TBC1D1: variants seen among roughly 807,000 people sequenced by gnomAD.
TBC1D1 encodes TBC1 domain family member 1, also known as TBC1 (tre-2/USP6, BUB2, cdc16) domain family, member 1.
TBC1D1 carries 89 observed loss-of-function variants against 125.6 expected under a neutral mutation model. The observed-to-expected ratio is 0.71, with a 90% CI of 0.60 to 0.85. The LOEUF is 0.85. TBC1D1 is among the 40% of genes least tolerant of loss of function. The pLI, the probability that TBC1D1 is intolerant of heterozygous loss-of-function variation, is 0.00. For missense variants in TBC1D1, 1,377 were observed against 1,469.2 expected (o/e 0.94, Z 1.03); for synonymous variants, 565 against 564.1 (o/e 1.00, Z -0.02).
At chr4:37,999,173 C>T (rs949602932) in intron 2 of TBC1D1, among the ~76,000 whole-genome samples, 3 of 152,126 alleles carry the variant, frequency 2.0e-5, no homozygotes, top group African/African-American at 4.8e-5. Flanking sequence ...CGCTTGAACC[C>T]GGAGGCAGAC....
At chr4:37,979,276 G>A (rs1231679797) in intron 2 of TBC1D1, among the ~76,000 whole-genome samples, 1 of 152,088 alleles carries the variant, frequency 6.6e-6, no homozygotes, top group Non-Finnish European at 1.5e-5. Flanking sequence ...TTTAAAATGT[G>A]GTTATTTTAT....
chr4:38,085,029 C>T (rs1757233605), intron 12 of TBC1D1, among the ~76,000 whole-genome samples: 2 of 152,184 alleles, frequency 1.3e-5, no homozygotes, highest in Admixed American at 6.5e-5. Flanking sequence ...GTGGTGTGCA[C>T]GTTGCTTTTT....
intron 2 of TBC1D1, among the ~76,000 whole-genome samples, chr4:37,980,691 A>G (rs1560564983): frequency 6.6e-6 from 1 of 152,232 alleles, no homozygotes; most frequent in African/African-American, 2.4e-5. Context: ...GTATAGTTTC[A>G]TATAGTTTAT....
chr4:38,039,499 G>C (rs55857474), intron 8 of TBC1D1, among the ~76,000 whole-genome samples: 6,697 of 152,082 alleles, frequency 0.044, 486 homozygotes, highest in African/African-American at 0.15. Context: ...CTACATTGTT[G>C]CATGTATTAG....
intron 2 of TBC1D1, among the ~76,000 whole-genome samples, chr4:37,994,304 T>G (rs1737287245): frequency 6.6e-6 from 1 of 152,240 alleles, no homozygotes; most frequent in Non-Finnish European, 1.5e-5. Flanking sequence ...TTTTGTTTGT[T>G]TTTTGAGACG....
chr4:37,924,954 T>A (rs1721752245), intron 2 of TBC1D1, among the ~76,000 whole-genome samples: 2 of 152,246 alleles, frequency 1.3e-5, no homozygotes, highest in Non-Finnish European at 2.9e-5. Flanking sequence ...TTTTATTTAC[T>A]ATTCACAACA....
At chr4:38,000,062 G>GT (rs1738685779) in intron 2 of TBC1D1, among the ~76,000 whole-genome samples, 1 of 152,192 alleles carries the variant, frequency 6.6e-6, no homozygotes, top group Admixed American at 6.5e-5. Flanking sequence ...TGCTCTTCAT[G>GT]TTGATTTTAA....
intron 2 of TBC1D1, among the ~76,000 whole-genome samples, chr4:37,967,864 C>G (rs1731347799): frequency 6.6e-6 from 1 of 152,130 alleles, no homozygotes; most frequent in Non-Finnish European, 1.5e-5. Context: ...GTGTCGAAAT[C>G]TTGACTCTAA....
intron 2 of TBC1D1, among the ~76,000 whole-genome samples, chr4:37,919,446 A>G (rs953082228): frequency 2.0e-5 from 3 of 151,488 alleles, no homozygotes; most frequent in African/African-American, 7.3e-5. Flanking sequence ...TGGGCCTCCC[A>G]AAGTGCTGGG....
intron 15 of TBC1D1, among the ~76,000 whole-genome samples, chr4:38,105,966 T>C (rs1761228378): frequency 6.6e-6 from 1 of 152,204 alleles, no homozygotes. Flanking sequence ...GTAATGGGAT[T>C]GCAGGGTCGA....
At chr4:37,916,098 C>T (rs1206057563) in intron 2 of TBC1D1, among the ~76,000 whole-genome samples, 1 of 152,130 alleles carries the variant, frequency 6.6e-6, no homozygotes, top group African/African-American at 2.4e-5. Context: ...TCTGATTATA[C>T]AAGAGTTGAT....
chr4:38,116,522 C>T (rs995500198), intron 16 of TBC1D1, among the ~76,000 whole-genome samples: 2 of 152,166 alleles, frequency 1.3e-5, no homozygotes, highest in African/African-American at 4.8e-5. Context: ...CCATAATCAT[C>T]TCCCTGTCTA....
chr4:38,113,092 T>C (rs1047388653), intron 15 of TBC1D1, among the ~76,000 whole-genome samples: 7 of 152,190 alleles, frequency 4.6e-5, no homozygotes. Flanking sequence ...GGAAGCTGCT[T>C]AGGGGGCTGC....
intron 6 of TBC1D1, among the ~76,000 whole-genome samples, chr4:38,025,479 A>G (rs2152442244): frequency 6.6e-6 from 1 of 152,308 alleles, no homozygotes; most frequent in South Asian, 2.1e-4. Context: ...GGACCTCATG[A>G]ATTAGGCATC....
intron 2 of TBC1D1, among the ~76,000 whole-genome samples, chr4:37,958,384 A>G (rs944717458): frequency 3.9e-5 from 6 of 152,180 alleles, no homozygotes; most frequent in Admixed American, 3.9e-4. Flanking sequence ...TTGTTCCAAG[A>G]TGGTGTACTC....
chr4:38,025,520 T>C (rs1578321861), intron 6 of TBC1D1, among the ~76,000 whole-genome samples: 1 of 152,230 alleles, frequency 6.6e-6, no homozygotes, highest in East Asian at 1.9e-4. Context: ...CCCAGAGGAT[T>C]GCTTCACAGC....
intron 4 of TBC1D1, 69 bp from the exon 5 acceptor site, chr4:38,020,522 T>G: frequency 9.0e-6 from 11 of 1,226,594 alleles, no homozygotes; most frequent in African/African-American, 1.5e-5. Context: ...GTATAAATCT[T>G]GAGGTGCATT....
At chr4:38,010,223 C>T (rs1741181610) in intron 2 of TBC1D1, among the ~76,000 whole-genome samples, 1 of 152,140 alleles carries the variant, frequency 6.6e-6, no homozygotes, top group Non-Finnish European at 1.5e-5. Flanking sequence ...CTGTATGAGC[C>T]AAAGCTCCAG....
In TBC1D1 at chr4:38,071,315, T is replaced by G. The variant is rs569127864; in HGVS notation, c.2050+16977T>G. 2.0e-5 allele frequency among the ~76,000 whole-genome samples: 3 copies of G among 152,300 alleles called. No homozygotes were observed. In the South Asian group the frequency reaches 6.2e-4, roughly 32 times the overall value. The stretch of plus-strand genomic sequence containing the variant: ...TGTTGCCTAATGCTTGTTGAGAGTC[T>G]ACATTTCTCTAGATCTAGCAGAAGT... On this transcript the variant is annotated intron_variant, in intron 12 of 19. Coordinates refer to ENST00000261439, the MANE Select transcript of TBC1D1 (RefSeq NM_015173.4).
Sources: allele counts gnomAD v4.1 joint callset (sites outside exome capture counted in the v4.1 genomes callset), GRCh38; gene constraint gnomAD v4.1.1; transcripts MANE v1.5; gene names NCBI Gene and HGNC (gene_info 2026-07-23, HGNC 2026-07-21).